The following NTM variants were observed in gnomAD, a reference collection of about 807,000 sequenced individuals.
NTM encodes IgLON family member 2.
NTM carries 13 observed loss-of-function variants against 42.1 expected under a neutral mutation model. The ratio of observed to expected loss-of-function variants is 0.31; its 90% CI spans 0.20 to 0.49. The LOEUF is 0.49. NTM is among the 20% of genes least tolerant of loss of function. NTM has a pLI of 0.99. For missense variants in NTM, 373 were observed against 452.8 expected, an observed-to-expected ratio of 0.82 and a Z score of 1.60; for synonymous variants, 187 against 179.2, an observed-to-expected ratio of 1.04 and a Z score of -0.35.
At chr11:131,511,750 C>A (rs1427426067) in intron 1 of NTM, among the ~76,000 whole-genome samples, 1 of 152,214 alleles carries the variant, frequency 6.6e-6, no homozygotes, top group Non-Finnish European at 1.5e-5. Context: ...GTGCATACTG[C>A]TAAATAGGCA....
Position 132,146,112 on chromosome 11 carries a change from TA to T in NTM, c.168-168del. The T allele has an allele frequency of 1.9e-6, 1 of 536,604 alleles. No individual in the cohort carries two copies. The highest frequency in any genetic ancestry group is 2.4e-6 in the Non-Finnish European group (1 of 420,322). The allele number at this position is 536,604 out of a possible 1,614,324, so 33.2% of individuals were successfully genotyped here. A position where few individuals can be genotyped will look rare whatever the true frequency, so the allele number is the denominator to read the frequency against. On this transcript the variant is annotated intron_variant, in intron 2 of 8. Coordinates refer to ENST00000683400, the MANE Select transcript of NTM (RefSeq NM_001352005.2). The surrounding 1 kb of genome is among the most constrained non-coding windows in gnomAD (Gnocchi z 4.5). Reference sequence around the variant, plus strand: ...GCAACATTCTGAGGCTGTAATCCCATAAGACCTTTGCTGTGTTCCAGAAAAG... The same window carrying T: ...GCAACATTCTGAGGCTGTAATCCCATAGACCTTTGCTGTGTTCCAGAAAAG...
chr11:132,000,595 T>A (rs960703801), intron 2 of NTM, among the ~76,000 whole-genome samples: 1 of 152,194 alleles, frequency 6.6e-6, no homozygotes, highest in Non-Finnish European at 1.5e-5. Flanking sequence ...TTTATCTCAC[T>A]CTGTTCTGGA....
chr11:131,488,351 C>CT (rs1315114159), intron 1 of NTM, among the ~76,000 whole-genome samples: 1 of 152,192 alleles, frequency 6.6e-6, no homozygotes, highest in Non-Finnish European at 1.5e-5. Flanking sequence ...ACACTCTAGG[C>CT]TTTTCAGTTC....
intron 3 of NTM, among the ~76,000 whole-genome samples, chr11:132,173,305 T>C (rs1480972950): frequency 6.6e-6 from 1 of 152,230 alleles, no homozygotes; most frequent in South Asian, 2.1e-4. Flanking sequence ...TTATGACTAA[T>C]AAATCAAACC....
chr11:131,878,735 C>A (rs1456522030), intron 1 of NTM, among the ~76,000 whole-genome samples: 1 of 148,964 alleles, frequency 6.7e-6, no homozygotes, highest in Non-Finnish European at 1.5e-5. Context: ...CATTTTTATT[C>A]TTTAGACAGG....
intron 1 of NTM, among the ~76,000 whole-genome samples, chr11:131,480,456 C>T (rs1197855822): frequency 2.6e-5 from 4 of 152,172 alleles, no homozygotes; most frequent in African/African-American, 9.7e-5. Flanking sequence ...TGACTTCCTC[C>T]CTCTGAGCAA....
At chr11:131,684,954 G>A (rs987223510) in intron 1 of NTM, among the ~76,000 whole-genome samples, 2 of 152,234 alleles carry the variant, frequency 1.3e-5, no homozygotes, top group Admixed American at 1.3e-4. Context: ...ACGTGAATCT[G>A]TTCTGTGGAC....
At chr11:131,633,523 GTC>G (rs951697594) in intron 1 of NTM, among the ~76,000 whole-genome samples, 91 of 147,832 alleles carry the variant, frequency 6.2e-4, no homozygotes, top group Middle Eastern at 3.4e-3. Context: ...TCAGGGTTCT[GTC>G]TCTCTCTCTC....
intron 1 of NTM, among the ~76,000 whole-genome samples, chr11:131,761,440 C>T (rs1325165821): frequency 6.6e-6 from 1 of 152,066 alleles, no homozygotes; most frequent in Non-Finnish European, 1.5e-5. Context: ...GGAGATGGGG[C>T]CTTTGAGAGG....
chr11:131,653,805 T>A (rs2066820156), intron 1 of NTM, among the ~76,000 whole-genome samples: 1 of 152,194 alleles, frequency 6.6e-6, no homozygotes, highest in Non-Finnish European at 1.5e-5. Context: ...GGAGTGGCTT[T>A]CGGAATGACC....
chr11:132,179,035 C>T (rs964749013), intron 3 of NTM, among the ~76,000 whole-genome samples: 1 of 151,916 alleles, frequency 6.6e-6, no homozygotes, highest in South Asian at 2.1e-4. Flanking sequence ...TATTGAGTAC[C>T]TGCTATGGTT....
rs181127406 is a variant in NTM, at chr11:131,933,943, G to A, written c.167+22295G>A. 7.2e-5 allele frequency among the ~76,000 whole-genome samples: 11 copies of A among 152,096 alleles called. 1 individual carries two copies. The highest frequency in any genetic ancestry group is 2.6e-4 in the Admixed American group (4 of 15,278). On this transcript the variant is annotated intron_variant, in intron 2 of 8. Coordinates refer to ENST00000683400, the MANE Select transcript of NTM (RefSeq NM_001352005.2). The stretch of plus-strand genomic sequence containing the variant: ...TACCTCCTTTAACACTCAGAGCCCC[G>A]TGACCATCCCAATTTTAAAAATGAG...
At position 132,026,066 on chromosome 11, in the gene NTM, ATTATCTAATTAATGAGCACAGAGTG is replaced by A. The variant is rs1400076746; in HGVS notation, c.167+114421_167+114445del. 2.0e-5 allele frequency among the ~76,000 whole-genome samples: 3 copies of A among 152,340 alleles called. No individual in the cohort carries two copies. In the East Asian group the frequency reaches 5.8e-4, roughly 29 times the overall value. On this transcript the variant is annotated intron_variant, in intron 2 of 8. Transcript: ENST00000683400. ...ACACTTGCCCACAGATGTTGCCAGC[ATTATCTAATTAATGAGCACAGAGTG>A]TTTGGGAAATACAAAGTACTGTACA... is the stretch of plus-strand genomic sequence containing the variant.
chr11:132,072,618 C>T (rs1435826109), intron 2 of NTM, among the ~76,000 whole-genome samples: 3 of 152,080 alleles, frequency 2.0e-5, no homozygotes, highest in African/African-American at 4.8e-5. Flanking sequence ...TGGAGAGATG[C>T]CATTATGGTA....
intron 1 of NTM, among the ~76,000 whole-genome samples, chr11:131,840,018 G>A (rs971976370): frequency 1.6e-4 from 25 of 152,310 alleles, no homozygotes; most frequent in African/African-American, 5.8e-4. Flanking sequence ...TGAGACAGAC[G>A]ATGAAAGCTG....
chr11:131,437,009 A>G (rs540908653), intron 1 of NTM, among the ~76,000 whole-genome samples: 3 of 152,288 alleles, frequency 2.0e-5, no homozygotes, highest in South Asian at 4.2e-4. Flanking sequence ...GTTTCAAATA[A>G]CATCTTTATT....
intron 1 of NTM, among the ~76,000 whole-genome samples, chr11:131,901,782 G>A (rs554862046): frequency 2.2e-4 from 33 of 152,294 alleles, no homozygotes; most frequent in African/African-American, 7.2e-4. Context: ...TCACATGCAC[G>A]TTGACAACAT....
chr11:131,399,680 C>T (rs892179114), intron 1 of NTM, among the ~76,000 whole-genome samples: 3 of 152,132 alleles, frequency 2.0e-5, no homozygotes, highest in Admixed American at 6.5e-5. Context: ...GTGATGAGGC[C>T]GGCCATGGTT....
chr11:131,906,120 A>G (rs1009747585), intron 1 of NTM, among the ~76,000 whole-genome samples: 3 of 152,186 alleles, frequency 2.0e-5, no homozygotes, highest in Non-Finnish European at 4.4e-5. Flanking sequence ...CTCTCAACAC[A>G]GTTCCTGGTA....
Sources: allele counts gnomAD v4.1 joint callset (sites outside exome capture counted in the v4.1 genomes callset), GRCh38; gene constraint gnomAD v4.1.1; non-coding constraint Gnocchi (gnomAD v3.1); transcripts MANE v1.5; gene names NCBI Gene and HGNC (gene_info 2026-07-23, HGNC 2026-07-21).